The following NLRC3 variants were observed in gnomAD, a reference collection of about 807,000 sequenced individuals.
NLRC3 encodes NLR family CARD domain-containing protein 3.
In NLRC3, 87 loss-of-function variants were observed where a neutral mutation model predicts 91.6. The observed-to-expected ratio is 0.95, with a 90% CI of 0.80 to 1.14. The LOEUF is 1.14. NLRC3 is among the 50% of genes most tolerant of loss of function. NLRC3 has a pLI of 0.00. For synonymous variants in NLRC3, 694 were observed against 625.3 expected (o/e 1.11, Z -1.64); for missense variants, 1,577 against 1,418.6 (o/e 1.11, Z -1.79).
rs1360450476 is a variant in NLRC3, at chr16:3,544,673, T to TTC, written c.2772-345_2772-344insGA. On this transcript the variant is annotated intron_variant, in intron 15 of 19. Coordinates refer to ENST00000359128, the MANE Select transcript of NLRC3 (RefSeq NM_178844.4). ...CCCTCAATCCCTGAGCCATTCTTGT[T>TTC]TGTCTTGTTTTCTCTTGAGACAGGG... is the stretch of plus-strand genomic sequence containing the variant. The TTC allele has an allele frequency of 4.6e-5, 12 of 261,668 alleles. No individual in the cohort carries two copies. In the East Asian group the frequency reaches 1.1e-3, roughly 24 times the overall value. The allele number at this position is 261,668 out of a possible 1,614,324, so 16.2% of individuals were successfully genotyped here. A position where few individuals can be genotyped will look rare whatever the true frequency, so the allele number is the denominator to read the frequency against.
rs1235463788 is a variant in NLRC3, at chr16:3,563,462, A to C, written c.1475T>G (p.Leu492Arg). Residue 492 changes from leucine to arginine, a missense_variant, in exon 5 of 20, where the codon CTC becomes CGC. Leu to Arg is a moderately radical substitution (Grantham distance 102, BLOSUM62 -2). Transcript: ENST00000359128. ...SGVSWPRLGF[L>R]THFRSAAQRA... ...CTGGGCTGCGCTCCTGAAATGCGTG[A>C]GGAAGCCCAGCCTGGGCCAGGATAC... The C allele has an allele frequency of 6.3e-7, 1 of 1,583,132 alleles. No homozygotes were observed.
intron 2 of NLRC3, among the ~76,000 whole-genome samples, chr16:3,565,615 T>G (rs987368069): frequency 6.6e-6 from 1 of 150,772 alleles, no homozygotes; most frequent in Non-Finnish European, 1.5e-5. Flanking sequence ...GGCCAAGGGT[T>G]GGGGAGGAGG....
chr16:3,563,459 G>C lies in NLRC3; in HGVS notation c.1478C>G (p.Thr493Arg). 6.3e-7 allele frequency: 1 copy of C among 1,582,760 alleles called. No homozygotes were observed. The change falls in exon 5 of 20, where the codon ACG (threonine) becomes AGG (arginine). Residue 493 changes from threonine (T) to arginine (R), a missense_variant. Transcript: ENST00000359128. ...GVSWPRLGFL[T>R]HFRSAAQRAM... is the part of the protein sequence containing the mutation. ...CCGCTGGGCTGCGCTCCTGAAATGC[G>C]TGAGGAAGCCCAGCCTGGGCCAGGA... is the stretch of plus-strand genomic sequence containing the variant.
chr16:3,570,388 G>C (rs2040057558), intron 1 of NLRC3, among the ~76,000 whole-genome samples: 1 of 152,160 alleles, frequency 6.6e-6, no homozygotes, highest in African/African-American at 2.4e-5. Context: ...TTTATGGAGA[G>C]CCTGTTGTAT....
rs569622921 is a variant in NLRC3, at chr16:3,548,681, G to C, written c.2676C>G (p.Leu892=). The stretch of plus-strand genomic sequence containing the variant: ...AGCTGCAGACTCACTGAAGGGAGGT[G>C]AGGGTGCGGTTTTCTCTCACTGCCA... ...IAVAVRENRT[L]TSLHLQWNFI... is the part of the protein sequence containing the mutation. Residue 892 remains leucine (L), a synonymous_variant, in exon 14 of 20, where the codon CTC becomes CTG. Coordinates refer to ENST00000359128, the MANE Select transcript of NLRC3 (RefSeq NM_178844.4). 1.1e-5 allele frequency: 18 copies of C among 1,588,832 alleles called. No homozygotes were observed. The highest frequency in any genetic ancestry group is 1.3e-5 in the African/African-American group (1 of 74,694).
At position 3,563,415 on chromosome 16, in the gene NLRC3, C is replaced by T. The variant is rs773631921; in HGVS notation, c.1522G>A (p.Gly508Arg). The T allele has an allele frequency of 7.0e-6, 11 of 1,575,612 alleles. No homozygotes were observed. The highest frequency in any genetic ancestry group is 9.5e-6 in the Non-Finnish European group (11 of 1,161,162). The change falls in exon 5 of 20, where the codon GGG becomes AGG. Residue 508 changes from glycine to arginine, a missense_variant. Transcript: ENST00000359128. ...AAQRAMQAED[G>R]RLDVFLRFLS... ...AAGCGCAGGAACACGTCCAGCCTCC[C>T]GTCCTCTGCCTGCATGGCCCGCTGG...
chr16:3,553,383 AGGTATCT>A (rs2039112566), intron 9 of NLRC3, among the ~76,000 whole-genome samples: 1 of 152,250 alleles, frequency 6.6e-6, no homozygotes, highest in Non-Finnish European at 1.5e-5. Flanking sequence ...GAATTAGGCT[AGGTATCT>A]GGCTTGAAGC....
Position 3,563,489 on chromosome 16 carries a change from C to T in NLRC3, c.1448G>A (p.Gly483Asp). The T allele has an allele frequency of 6.3e-6, 10 of 1,592,372 alleles. No individual in the cohort carries two copies. Among genetic ancestry groups the T allele is most frequent in the Non-Finnish European group, 7.7e-6 (9 of 1,169,980 alleles). The change falls in exon 5 of 20, where the codon GGC (glycine) becomes GAC (aspartate). Residue 483 changes from glycine to aspartate, a missense_variant. Transcript: ENST00000359128. ...RAIFDLFTES[G>D]VSWPRLGFLT... ...GAAGCCCAGCCTGGGCCAGGATACG[C>T]CGCTCTCAGTGAAGAGGTCGAAGAT...
intron 8 of NLRC3, 123 bp from the exon 9 acceptor site, chr16:3,554,448 C>T (rs1310915326): frequency 2.1e-5 from 14 of 663,900 alleles, no homozygotes; most frequent in South Asian, 3.4e-5. Flanking sequence ...GTGCCCTCAC[C>T]GCCCACCATG....
At chr16:3,574,214 C>G (rs2040201909) in intron 1 of NLRC3, among the ~76,000 whole-genome samples, 4 of 151,658 alleles carry the variant, frequency 2.6e-5, no homozygotes, top group African/African-American at 9.7e-5. Context: ...AGGGTTTCAC[C>G]ATGTTGGCCA....
intron 1 of NLRC3, among the ~76,000 whole-genome samples, chr16:3,569,217 G>A (rs1314294838): frequency 1.3e-5 from 2 of 151,056 alleles, no homozygotes; most frequent in Admixed American, 1.3e-4. Flanking sequence ...GGGACACTGA[G>A]GTTGGAGAAT....
In NLRC3 at chr16:3,550,390, C is replaced by T. The variant is rs530504839; in HGVS notation, c.2435+24G>A. 2.0e-5 allele frequency: 30 copies of T among 1,518,828 alleles called. No individual in the cohort carries two copies. The South Asian group carries it at 2.9e-4, about 15-fold the overall frequency. 94.1% of individuals were successfully genotyped at this position (1,518,828 alleles called of 1,614,324 possible). A position where few individuals can be genotyped will look rare whatever the true frequency, so the allele number is the denominator to read the frequency against. On this transcript the variant is annotated intron_variant, in intron 11 of 19. Transcript: ENST00000359128. Reference sequence around the variant, plus strand: ...ACTGGAAAGAGAACCCAGGGGGAATCGTCACCCTGGCAGGTGGACTCACTC... The same window carrying T: ...ACTGGAAAGAGAACCCAGGGGGAATTGTCACCCTGGCAGGTGGACTCACTC...
Position 3,548,153 on chromosome 16 carries a change from C to T in NLRC3, c.2753G>A (p.Arg918Lys). 3 of 1,590,534 alleles carry T rather than the reference C, an allele frequency of 1.9e-6. No homozygotes were observed. The highest frequency in any genetic ancestry group is 2.6e-6 in the Non-Finnish European group (3 of 1,168,474). Residue 918 changes from arginine (R) to lysine (K), a missense_variant, in exon 15 of 20, where the codon AGG (arginine) becomes AAG (lysine). Physicochemically the swap from Arg to Lys is conservative, Grantham distance 26. Coordinates refer to ENST00000359128, the MANE Select transcript of NLRC3 (RefSeq NM_178844.4). ...AACTTACTCTAAGCTGGTGAGGCTC[C>T]TGTTGAGCTGTAGTGCTTGTCCCAG... ...QALGQALQLN[R>K]SLTSLDLQEN...
At chr16:3,574,609 C>T (rs1470622369) in intron 1 of NLRC3, among the ~76,000 whole-genome samples, 4 of 152,184 alleles carry the variant, frequency 2.6e-5, no homozygotes, top group African/African-American at 9.6e-5. Flanking sequence ...CCTGATCAGA[C>T]ACCCATCTTT....
chr16:3,558,799 G>C (rs957788428), intron 6 of NLRC3, among the ~76,000 whole-genome samples: 1 of 151,990 alleles, frequency 6.6e-6, no homozygotes, highest in African/African-American at 2.4e-5. Context: ...TTTCAGACAG[G>C]ATCTCATTCT....
At position 3,542,315 on chromosome 16, in the gene NLRC3, G is replaced by A. The variant is rs750947154; in HGVS notation, c.3024-41C>T. ...ATGGAGACACACGGTGAGCCATCAG[G>A]GCAGAAGGAAAACACCCGGGGAAGC... On this transcript the variant is annotated intron_variant, in intron 18 of 19. Transcript: ENST00000359128. 3.0e-6 allele frequency: 4 copies of A among 1,312,970 alleles called. No individual in the cohort carries two copies. In the South Asian group the frequency reaches 5.0e-5, roughly 17 times the overall value. 81.3% of individuals were successfully genotyped at this position (1,312,970 alleles called of 1,614,324 possible). A position where few individuals can be genotyped will look rare whatever the true frequency, so the allele number is the denominator to read the frequency against.
At chr16:3,553,115 C>T (rs781612067) in intron 9 of NLRC3, among the ~76,000 whole-genome samples, 17 of 152,120 alleles carry the variant, frequency 1.1e-4, no homozygotes, top group Non-Finnish European at 2.1e-4. Flanking sequence ...AAATACAAAT[C>T]CTAAAAAATG....
In NLRC3 at chr16:3,576,854, G is replaced by C. The variant is rs1458363367; in HGVS notation, c.-169+295C>G. Reference sequence around the variant, plus strand: ...GCTAATTTATTTTTTATTTTTAGTAGAGATGGGGTTTCACCATGTTGGCCA... The same window carrying C: ...GCTAATTTATTTTTTATTTTTAGTACAGATGGGGTTTCACCATGTTGGCCA... On this transcript the variant is annotated intron_variant, in intron 1 of 19. Coordinates refer to ENST00000359128, the MANE Select transcript of NLRC3 (RefSeq NM_178844.4). 2.6e-5 allele frequency among the ~76,000 whole-genome samples: 4 copies of C among 152,272 alleles called. No individual in the cohort carries two copies. The East Asian group carries it at 7.7e-4, about 29-fold the overall frequency.
Position 3,543,679 on chromosome 16 carries a change from G to A in NLRC3, c.2856-171C>T, listed in dbSNP as rs1323708322. On this transcript the variant is annotated intron_variant, in intron 16 of 19. Coordinates refer to ENST00000359128, the MANE Select transcript of NLRC3 (RefSeq NM_178844.4). Reference sequence around the variant, plus strand: ...CCATCTCCTACCTACACTGTCTGTTGCCTAAGACAGAGATCTGGATGCTAA... The same window carrying A: ...CCATCTCCTACCTACACTGTCTGTTACCTAAGACAGAGATCTGGATGCTAA... 4 of 602,808 alleles carry A rather than the reference G, an allele frequency of 6.6e-6. No homozygotes were observed. In the Admixed American group the frequency reaches 1.1e-4, roughly 16 times the overall value. 37.3% of individuals were successfully genotyped at this position (602,808 alleles called of 1,614,324 possible). A position where few individuals can be genotyped will look rare whatever the true frequency, so the allele number is the denominator to read the frequency against.
Sources: gnomAD v4.1 joint callset for allele counts (sites outside exome capture counted in the v4.1 genomes callset) on GRCh38, gnomAD v4.1.1 for gene constraint, MANE v1.5 for transcripts, NCBI Gene and HGNC (gene_info 2026-07-23, HGNC 2026-07-21) for gene names.